The following OTUD7B variants were observed in gnomAD, a reference collection of about 807,000 sequenced individuals.
OTUD7B encodes OTU domain-containing protein 7B.
A neutral mutation model predicts 82.2 loss-of-function variants in OTUD7B; 34 were observed. That is an observed-to-expected ratio of 0.41 (90% CI 0.31 to 0.55). OTUD7B has a LOEUF of 0.55. OTUD7B is among the 20% of genes least tolerant of loss of function. OTUD7B has a pLI of 0.20. For synonymous variants in OTUD7B, 398 were observed against 402.7 expected, an observed-to-expected ratio of 0.99 and a Z score of 0.14; for missense variants, 944 against 1,062.1, an observed-to-expected ratio of 0.89 and a Z score of 1.55.
At chr1:149,951,936 C>G (rs146939118) in intron 7 of OTUD7B, among the ~76,000 whole-genome samples, 1 of 151,380 alleles carries the variant, frequency 6.6e-6, no homozygotes, top group Non-Finnish European at 1.5e-5. Context: ...ATATTACAGG[C>G]TTGTGTCAGT....
chr1:150,024,451 C>T, the OTUD7B span, among the ~76,000 whole-genome samples: 7 of 152,264 alleles, frequency 4.6e-5, no homozygotes, highest in Admixed American at 2.6e-4. Flanking sequence ...AGCCTAGAAA[C>T]AGATGGCTTG....
At chr1:149,962,508 C>T (rs1383150145) in intron 6 of OTUD7B, 2 of 152,130 alleles carry the variant, frequency 1.3e-5, no homozygotes, top group African/African-American at 4.8e-5. Context: ...ACTATTGCTC[C>T]ATTACTAGCC....
chr1:149,984,059 A>G (rs1344163905), intron 1 of OTUD7B, among the ~76,000 whole-genome samples: 1 of 152,194 alleles, frequency 6.6e-6, no homozygotes, highest in Non-Finnish European at 1.5e-5. Context: ...TTGCAGAGCA[A>G]TATGACTACT....
At position 149,976,504 on chromosome 1, in the gene OTUD7B, C is replaced by T. The variant is rs56759822; in HGVS notation, c.85+922G>A. Among the ~76,000 whole-genome samples, 139 of 148,170 alleles carry T rather than the reference C, an allele frequency of 9.4e-4. 1 individual carries two copies. The East Asian group carries it at 0.02, about 21-fold the overall frequency. ...TGCATGCCTGTAATCCCAGCTACTC[C>T]GGAGGCTGAGGCAGGAGAATTGCAT... On this transcript the variant is annotated intron_variant, in intron 2 of 11. Transcript: ENST00000581312.
chr1:149,991,115 A>G (rs782254516), intron 1 of OTUD7B, among the ~76,000 whole-genome samples: 5 of 152,180 alleles, frequency 3.3e-5, no homozygotes, highest in Admixed American at 3.3e-4. Context: ...AAACCAGATC[A>G]GTCTAGATGT....
At chr1:149,979,093 C>G (rs73010202) in intron 1 of OTUD7B, among the ~76,000 whole-genome samples, 2,363 of 151,332 alleles carry the variant, frequency 0.016, 51 homozygotes, top group African/African-American at 0.051. Flanking sequence ...ACAAGAGATC[C>G]ATGAGCGCAG....
intron 1 of OTUD7B, among the ~76,000 whole-genome samples, chr1:150,008,251 A>G (rs1652795431): frequency 6.6e-6 from 1 of 152,244 alleles, no homozygotes; most frequent in South Asian, 2.1e-4. Flanking sequence ...AGATATAAAT[A>G]GAATTTACCC....
Position 149,950,218 on chromosome 1 carries a change from C to T in OTUD7B, c.849G>A (p.Val283=), listed in dbSNP as rs1553773070. 1 of 1,613,938 alleles carries T rather than the reference C, an allele frequency of 6.2e-7. No individual in the cohort carries two copies. The highest frequency in any genetic ancestry group is 2.2e-5 in the East Asian group (1 of 44,894). The change falls in exon 8 of 12, where the codon GTG becomes GTA. Residue 283 remains valine, a synonymous_variant. Coordinates refer to ENST00000581312, the MANE Select transcript of OTUD7B (RefSeq NM_020205.4). ...LGTNGANCGG[V]ESSEEPVYES... is the part of the protein sequence containing the mutation. ...CATATACAGGCTCCTCAGAACTCTC[C>T]ACCCTGGAACGACGGGAAGGGAGAG...
intron 3 of OTUD7B, among the ~76,000 whole-genome samples, chr1:149,968,323 C>T (rs1553777047): frequency 6.6e-6 from 1 of 151,176 alleles, no homozygotes; most frequent in African/African-American, 2.4e-5. Context: ...TTTCTTCCTA[C>T]ATCAATAACA....
chr1:150,059,053 C>CATT, the OTUD7B span, among the ~76,000 whole-genome samples: 1 of 125,474 alleles, frequency 8.0e-6, no homozygotes, highest in African/African-American at 3.2e-5. Context: ...ACTTTCTTTT[C>CATT]TTTTTTTTTT....
the OTUD7B span, among the ~76,000 whole-genome samples, chr1:150,038,330 CTATT>C: frequency 6.6e-6 from 1 of 151,824 alleles, no homozygotes; most frequent in Non-Finnish European, 1.5e-5. Context: ...TTTCTTTCCT[CTATT>C]TAGTATCCAA....
chr1:150,016,992 G>T, the OTUD7B span, among the ~76,000 whole-genome samples: 1 of 152,184 alleles, frequency 6.6e-6, no homozygotes, highest in Admixed American at 6.5e-5. Flanking sequence ...TAAAGTCTTT[G>T]TGTTAAATCC....
chr1:149,956,348 T>C (rs782427628), intron 7 of OTUD7B, among the ~76,000 whole-genome samples: 3 of 152,212 alleles, frequency 2.0e-5, no homozygotes, highest in Non-Finnish European at 4.4e-5. Context: ...TCTTTAAGAC[T>C]GTTGAATATT....
At chr1:149,949,513 G>A (rs1648023221) in intron 9 of OTUD7B, 116 bp downstream of exon 9, 1 of 1,060,524 alleles carries the variant, frequency 9.4e-7, no homozygotes, top group African/African-American at 1.6e-5. Context: ...TAATAAAACA[G>A]TATCAACATG....
At chr1:150,028,308 T>G in the OTUD7B span, among the ~76,000 whole-genome samples, 2 of 152,170 alleles carry the variant, frequency 1.3e-5, no homozygotes. Flanking sequence ...TTTGGCCTAA[T>G]AAAAGGTTCG....
At chr1:150,016,505 A>T in the OTUD7B span, among the ~76,000 whole-genome samples, 1 of 135,534 alleles carries the variant, frequency 7.4e-6, no homozygotes, top group African/African-American at 2.9e-5. Flanking sequence ...CCAAGGCTGG[A>T]GTGCAGTGGC....
intron 4 of OTUD7B, among the ~76,000 whole-genome samples, chr1:149,966,896 A>G (rs920931294): frequency 6.6e-6 from 1 of 152,246 alleles, no homozygotes; most frequent in Non-Finnish European, 1.5e-5. Context: ...AATTTTAACA[A>G]TAATTTAAGA....
Position 149,943,810 on chromosome 1 carries a change from T to G in OTUD7B, c.*47A>C. On this transcript the variant is annotated 3_prime_UTR_variant, in exon 12 of 12. Transcript: ENST00000581312. ...CTGTGTTCTTGATGAGCCAATTAGT[T>G]GAGCTTAACTTTGTTTAGCCTCCTT... 6.3e-5 allele frequency: 99 copies of G among 1,566,802 alleles called. No individual in the cohort carries two copies. The highest frequency in any genetic ancestry group is 2.1e-4 in the Middle Eastern group (1 of 4,854).
At chr1:150,040,852 G>A in the OTUD7B span, among the ~76,000 whole-genome samples, 1 of 151,776 alleles carries the variant, frequency 6.6e-6, no homozygotes, top group Admixed American at 6.6e-5. Context: ...TGGGATTACA[G>A]GTTCCCGCCA....
Sources: gnomAD v4.1 joint callset for allele counts (sites outside exome capture counted in the v4.1 genomes callset) on GRCh38, gnomAD v4.1.1 for gene constraint, MANE v1.5 for transcripts, NCBI Gene and HGNC (gene_info 2026-07-23, HGNC 2026-07-21) for gene names.